The following DRC11 variants were observed in gnomAD, a reference collection of about 807,000 sequenced individuals.
DRC11 encodes dynein regulatory complex subunit 11.
chr2:236,347,870 CAAAATCT>C, the DRC11 span, among the ~76,000 whole-genome samples: 1 of 145,254 alleles, frequency 6.9e-6, no homozygotes, highest in Non-Finnish European at 1.5e-5. Context: ...AAAAAAAAAT[CAAAATCT>C]CAAATCTCAA....
chr2:236,378,352 A>G, the DRC11 span, among the ~76,000 whole-genome samples: 2 of 152,188 alleles, frequency 1.3e-5, no homozygotes, highest in Admixed American at 6.5e-5. Context: ...TTTGAAGAAG[A>G]TTCTCTAACA....
At chr2:236,390,550 A>C in the DRC11 span, among the ~76,000 whole-genome samples, 1 of 152,238 alleles carries the variant, frequency 6.6e-6, no homozygotes, top group East Asian at 1.9e-4. This position sits in a 1 kb window ranked among gnomAD's most constrained non-coding sequence, Gnocchi z 5.9. Context: ...CTGAAGTTAC[A>C]AGTTGCTGTG....
At chr2:236,457,121 C>G in the DRC11 span, among the ~76,000 whole-genome samples, 1 of 152,204 alleles carries the variant, frequency 6.6e-6, no homozygotes, top group Non-Finnish European at 1.5e-5. This position sits in a 1 kb window ranked among gnomAD's most constrained non-coding sequence, Gnocchi z 4.7. Context: ...GAGACCTAGA[C>G]GGCAGTTCAA....
At chr2:236,393,689 C>T in the DRC11 span, among the ~76,000 whole-genome samples, 2 of 152,116 alleles carry the variant, frequency 1.3e-5, no homozygotes, top group African/African-American at 4.8e-5. The surrounding 1 kb of genome is among the most constrained non-coding windows in gnomAD (Gnocchi z 4.7). Context: ...GCTGTGAGAC[C>T]CGGGAAAAGC....
the DRC11 span, among the ~76,000 whole-genome samples, chr2:236,423,256 G>C: frequency 6.6e-6 from 1 of 151,708 alleles, no homozygotes; most frequent in Non-Finnish European, 1.5e-5. Flanking sequence ...CCATCAGAGT[G>C]AACAGGCAAC....
At chr2:236,493,775 G>A in the DRC11 span, 1 of 1,598,096 alleles carries the variant, frequency 6.3e-7, no homozygotes, top group Non-Finnish European at 8.5e-7. Flanking sequence ...AACCATGTCA[G>A]ATGTATCTAT....
the DRC11 span, among the ~76,000 whole-genome samples, chr2:236,359,114 G>A: frequency 1.1e-4 from 16 of 151,994 alleles, no homozygotes; most frequent in East Asian, 3.9e-4. The surrounding 1 kb of genome is among the most constrained non-coding windows in gnomAD (Gnocchi z 4.3). Flanking sequence ...TGGAGCAGAG[G>A]ACGCTTCAGC....
the DRC11 span, among the ~76,000 whole-genome samples, chr2:236,416,741 AT>A: frequency 1.3e-4 from 7 of 55,978 alleles, no homozygotes; most frequent in Middle Eastern, 8.6e-3. Flanking sequence ...ATATATATAT[AT>A]ATATATATAT....
the DRC11 span, among the ~76,000 whole-genome samples, chr2:236,475,518 C>T: frequency 2.3e-4 from 35 of 152,192 alleles, no homozygotes; most frequent in African/African-American, 7.9e-4. The surrounding 1 kb of genome is among the most constrained non-coding windows in gnomAD (Gnocchi z 4.8). Flanking sequence ...CTGGATCATA[C>T]GGTATTAGGT....
the DRC11 span, among the ~76,000 whole-genome samples, chr2:236,411,442 T>G: frequency 2.0e-5 from 3 of 151,826 alleles, no homozygotes; most frequent in Non-Finnish European, 4.4e-5. Context: ...TTTTACACTG[T>G]TGGTGGGACT....
the DRC11 span, among the ~76,000 whole-genome samples, chr2:236,355,278 C>T: frequency 4.3e-4 from 65 of 152,220 alleles, no homozygotes; most frequent in Non-Finnish European, 8.2e-4. Flanking sequence ...CAGTGTGGCC[C>T]ACTGTGGGGC....
At chr2:236,473,951 G>A in the DRC11 span, among the ~76,000 whole-genome samples, 1 of 152,078 alleles carries the variant, frequency 6.6e-6, no homozygotes, top group African/African-American at 2.4e-5. This position sits in a 1 kb window ranked among gnomAD's most constrained non-coding sequence, Gnocchi z 4.8. Flanking sequence ...ATAAGTCAAT[G>A]ATTTCTACAT....
chr2:236,416,926 C>A, the DRC11 span, among the ~76,000 whole-genome samples: 2 of 151,060 alleles, frequency 1.3e-5, no homozygotes, highest in Non-Finnish European at 3.0e-5. Context: ...ATGCCTGGCT[C>A]ATTTTTGTAT....
the DRC11 span, among the ~76,000 whole-genome samples, chr2:236,432,676 C>G: frequency 6.6e-6 from 1 of 151,942 alleles, no homozygotes; most frequent in Non-Finnish European, 1.5e-5. Context: ...TCTGTGATAC[C>G]CATCACAAAT....
the DRC11 span, chr2:236,332,489 G>C: frequency 6.6e-6 from 1 of 152,188 alleles, no homozygotes; most frequent in Non-Finnish European, 1.5e-5. The surrounding 1 kb of genome is among the most constrained non-coding windows in gnomAD (Gnocchi z 5.1). Flanking sequence ...GCATCTGTCA[G>C]TCTCAGCACT....
At chr2:236,437,520 G>A in the DRC11 span, among the ~76,000 whole-genome samples, 1 of 151,606 alleles carries the variant, frequency 6.6e-6, no homozygotes, top group Non-Finnish European at 1.5e-5. Flanking sequence ...TCGCCACACT[G>A]ACTTCCACAA....
the DRC11 span, among the ~76,000 whole-genome samples, chr2:236,468,952 AT>A: frequency 6.6e-6 from 1 of 152,240 alleles, no homozygotes; most frequent in African/African-American, 2.4e-5. Context: ...CAGACAAACT[AT>A]ATTTTACCTG....
At chr2:236,507,008 C>T in the DRC11 span, among the ~76,000 whole-genome samples, 1 of 152,164 alleles carries the variant, frequency 6.6e-6, no homozygotes, top group African/African-American at 2.4e-5. Flanking sequence ...GAGCTCATCC[C>T]CATGGGGTGG....
At chr2:236,344,681 C>CACCTGAGAGGGAAGTGCAT in the DRC11 span, 1 of 1,479,580 alleles carries the variant, frequency 6.8e-7, no homozygotes, top group Non-Finnish European at 9.4e-7. Flanking sequence ...TGTAAATGCA[C>CACCTGAGAGGGAAGTGCAT]TTCCCTCTCA....
Sources: allele counts gnomAD v4.1 joint callset (sites outside exome capture counted in the v4.1 genomes callset), GRCh38; gene constraint gnomAD v4.1.1; non-coding constraint Gnocchi (gnomAD v3.1); transcripts MANE v1.5; gene names NCBI Gene and HGNC (gene_info 2026-07-23, HGNC 2026-07-21).